The following TUBB8B variants were observed in gnomAD, a reference collection of about 807,000 sequenced individuals.
TUBB8B encodes tubulin beta 8B.
Under a neutral mutation model 31.9 loss-of-function variants are expected in TUBB8B, and 26 were observed. The observed-to-expected ratio is 0.81, with a 90% CI of 0.60 to 1.13. The LOEUF is 1.13. Ranked by LOEUF, TUBB8B falls within the 50% of genes most tolerant of loss-of-function variation. The pLI is 0.00. For synonymous variants in TUBB8B, 173 were observed against 231.0 expected, an observed-to-expected ratio of 0.75 and a Z score of 2.28; for missense variants, 467 against 586.7, an observed-to-expected ratio of 0.80 and a Z score of 2.11.
At chr18:49,746 G>A (rs368376246), upstream of TUBB8B, 1 of 683,552 alleles carries the variant, frequency 1.5e-6, no homozygotes, top group Non-Finnish European at 2.7e-6. Flanking sequence ...CCTTGGCGTT[G>A]AACGTCTGTT....
chr18:59,404 G>T, the TUBB8B span, among the ~76,000 whole-genome samples: 1 of 151,534 alleles, frequency 6.6e-6, no homozygotes, highest in Non-Finnish European at 1.5e-5. Context: ...CTAGCTGGGG[G>T]TCTGTCATAT....
chr18:67,091 G>A, the TUBB8B span, among the ~76,000 whole-genome samples: 1 of 151,508 alleles, frequency 6.6e-6, no homozygotes, highest in South Asian at 2.1e-4. Context: ...TGCCTCCCGG[G>A]TTCAAGCAAT....
the TUBB8B span, among the ~76,000 whole-genome samples, chr18:55,353 C>A: frequency 2.0e-5 from 3 of 151,848 alleles, no homozygotes; most frequent in Non-Finnish European, 2.9e-5. Flanking sequence ...CCCGCCACAG[C>A]CTCCCAGAGT....
chr18:68,497 G>C, the TUBB8B span, among the ~76,000 whole-genome samples: 1 of 152,124 alleles, frequency 6.6e-6, no homozygotes, highest in Non-Finnish European at 1.5e-5. Flanking sequence ...TCACAACGTT[G>C]GCAGATAACT....
chr18:49,439 C>T (rs534873125), intron 1 of TUBB8B, 62 bp downstream of exon 1: 1 of 925,562 alleles, frequency 1.1e-6, no homozygotes, highest in South Asian at 1.4e-5. Flanking sequence ...CCCGCCACTG[C>T]CAACATCTTC....
the TUBB8B span, among the ~76,000 whole-genome samples, chr18:62,699 G>A: frequency 1.3e-5 from 2 of 151,826 alleles, no homozygotes; most frequent in African/African-American, 4.8e-5. Context: ...GGGATTACAG[G>A]CGTGAGCCAC....
upstream of TUBB8B, among the ~76,000 whole-genome samples, chr18:54,492 A>AT (rs1906222104): frequency 6.6e-6 from 1 of 151,648 alleles, no homozygotes; most frequent in Non-Finnish European, 1.5e-5. Context: ...CTTTCTAACA[A>AT]TTTTTTGTAC....
chr18:57,695 G>A, the TUBB8B span, among the ~76,000 whole-genome samples: 3 of 151,864 alleles, frequency 2.0e-5, 1 homozygote, highest in Non-Finnish European at 4.4e-5. Flanking sequence ...GCCCCAGTGG[G>A]GAACCCACAT....
At chr18:48,880 T>G in intron 3 of TUBB8B, 60 bp downstream of exon 3, 1 of 1,201,082 alleles carries the variant, frequency 8.3e-7, no homozygotes, top group East Asian at 2.4e-5. Context: ...CCTTGGGCAC[T>G]CCTGGATTTT....
chr18:49,108 G>A lies in TUBB8B; in HGVS notation c.166+21C>T, dbSNP rs759639754. 319 of 1,516,684 alleles carry A rather than the reference G, an allele frequency of 2.1e-4. 7 individuals carry two copies. In the Middle Eastern group the frequency reaches 2.8e-3, roughly 13 times the overall value. 94.0% of individuals were successfully genotyped at this position (1,516,684 alleles called of 1,614,324 possible). A position where few individuals can be genotyped will look rare whatever the true frequency, so the allele number is the denominator to read the frequency against. Reference sequence around the variant, plus strand: ...GGGCCGCGTTCCCAGGAGGGCGGTGGGAGAAGGACGGGGGTCGCACCGCTG... The same window carrying A: ...GGGCCGCGTTCCCAGGAGGGCGGTGAGAGAAGGACGGGGGTCGCACCGCTG... On this transcript the variant is annotated intron_variant, in intron 2 of 3. Transcript: ENST00000308911.
At chr18:68,785 T>C in the TUBB8B span, among the ~76,000 whole-genome samples, 1 of 150,322 alleles carries the variant, frequency 6.7e-6, no homozygotes, top group South Asian at 2.1e-4. Context: ...CACTGTGTGC[T>C]CCTTCCTGCA....
upstream of TUBB8B, chr18:50,232 AAG>A (rs1205234028): frequency 1.1e-5 from 2 of 187,024 alleles, no homozygotes; most frequent in Non-Finnish European, 2.2e-5. Flanking sequence ...CCTGCTGTGA[AAG>A]ATGGGCCATT....
In TUBB8B at chr18:47,841, T is replaced by C. The variant is rs541406627; in HGVS notation, c.884A>G (p.Asp295Gly). 9.2e-4 allele frequency: 1,490 copies of C among 1,611,394 alleles called. 7 individuals are homozygous for C. The African/African-American group carries it at 0.018, about 19-fold the overall frequency. ...ACAGGCAGCCATCATGTTCTTAGCA[T>C]CAAACATCTGCTGGGTGAGCTCAGC... ...TVAELTQQMFDAKNMMAACDP... is the reference protein window; with the variant it reads ...TVAELTQQMFGAKNMMAACDP... Residue 295 changes from aspartate (D) to glycine (G), a missense_variant, in exon 4 of 4, where the codon GAT becomes GGT. Around this residue, in one of 2 missense-constraint regions of TUBB8B, gnomAD observed 208 missense variants for 206.7 expected, o/e 1.01. Transcript: ENST00000308911.
chr18:49,828 C>T (rs551077218), upstream of TUBB8B: 41 of 600,216 alleles, frequency 6.8e-5, no homozygotes, highest in Non-Finnish European at 1.1e-4. Flanking sequence ...AACTTCTTCC[C>T]ACGTCTTTAG....
At chr18:65,175 C>T in the TUBB8B span, among the ~76,000 whole-genome samples, 2 of 151,916 alleles carry the variant, frequency 1.3e-5, no homozygotes, top group Non-Finnish European at 2.9e-5. Flanking sequence ...GTGGCAGGAG[C>T]CTGTAATCCT....
intron 3 of TUBB8B, 114 bp downstream of exon 3, chr18:48,826 G>C (rs1905880769): frequency 1.2e-6 from 1 of 807,514 alleles, no homozygotes; most frequent in South Asian, 1.4e-5. Context: ...TCGGCGGATA[G>C]GAGGGTGTTC....
At chr18:49,712 C>T (rs1905990401), upstream of TUBB8B, 20 of 699,004 alleles carry the variant, frequency 2.9e-5, 2 homozygotes, top group South Asian at 3.0e-4. Flanking sequence ...TTTACTTCCA[C>T]ACAGGTGCAC....
chr18:63,739 TCTAACCCTAACCCTAGCC>T, the TUBB8B span, among the ~76,000 whole-genome samples: 2 of 82,202 alleles, frequency 2.4e-5, no homozygotes, highest in South Asian at 4.6e-4. Flanking sequence ...TAACCCTAAC[TCTAACCCTAACCCTAGCC>T]CTAACCCTAA....
chr18:63,660 CTAGCCT>C, the TUBB8B span, among the ~76,000 whole-genome samples: 2 of 149,414 alleles, frequency 1.3e-5, no homozygotes, highest in South Asian at 2.1e-4. Context: ...AACCCTAGCC[CTAGCCT>C]TAGCCCTAAC....
Sources: gnomAD v4.1 joint callset for allele counts (sites outside exome capture counted in the v4.1 genomes callset) on GRCh38, gnomAD v4.1.1 for gene constraint, gnomAD v4.1.1 regional missense constraint, MANE v1.5 for transcripts, NCBI Gene and HGNC (gene_info 2026-07-23, HGNC 2026-07-21) for gene names.